The following RANBP2 variants were observed in gnomAD, a reference collection of about 807,000 sequenced individuals.
RANBP2 encodes E3 SUMO-protein ligase RanBP2.
A neutral mutation model predicts 303.6 loss-of-function variants in RANBP2; 57 were observed. That is an observed-to-expected ratio of 0.19 (90% CI 0.15 to 0.23). The LOEUF (loss-of-function observed/expected upper bound fraction) is 0.23, where lower values mean the gene tolerates loss of function less well. Among genes scored for constraint, RANBP2 ranks in the 10% least tolerant of loss-of-function variants. The pLI, the probability that RANBP2 is intolerant of heterozygous loss-of-function variation, is 1.00. For missense variants in RANBP2, 3,138 were observed against 3,780.8 expected (o/e 0.83, Z 4.46); for synonymous variants, 1,167 against 1,301.5 (o/e 0.90, Z 2.23).
chr2:109,129,629 G>A, the RANBP2 span: 2 of 1,492,766 alleles, frequency 1.3e-6, no homozygotes, highest in Non-Finnish European at 1.8e-6. Flanking sequence ...CCAGGCGAGC[G>A]ACGGCGGCGT....
the RANBP2 span, among the ~76,000 whole-genome samples, chr2:108,959,796 T>C: frequency 5.3e-5 from 8 of 152,216 alleles, no homozygotes; most frequent in African/African-American, 1.9e-4. Context: ...GAGAAAGATA[T>C]GTCTTCTGAG....
the RANBP2 span, among the ~76,000 whole-genome samples, chr2:109,047,980 T>C: frequency 2.4e-4 from 36 of 152,298 alleles, no homozygotes; most frequent in African/African-American, 7.7e-4. Context: ...TTGACTCTAG[T>C]GGGTGGGAGT....
the RANBP2 span, among the ~76,000 whole-genome samples, chr2:109,214,202 G>A: frequency 5.3e-5 from 8 of 152,172 alleles, no homozygotes; most frequent in Non-Finnish European, 1.2e-4. Flanking sequence ...GGAAGTGACT[G>A]GAAATAAAGC....
the RANBP2 span, among the ~76,000 whole-genome samples, chr2:109,528,942 T>C: frequency 2.6e-5 from 4 of 152,198 alleles, no homozygotes; most frequent in Non-Finnish European, 5.9e-5. Context: ...TGATGACCGC[T>C]GCAGCCTGTC....
chr2:108,869,154 C>T, the RANBP2 span, among the ~76,000 whole-genome samples: 3 of 151,888 alleles, frequency 2.0e-5, no homozygotes, highest in African/African-American at 7.3e-5. Flanking sequence ...CACAGAAACA[C>T]CAAATAAATA....
chr2:109,557,170 T>TA, the RANBP2 span, among the ~76,000 whole-genome samples: 96 of 151,418 alleles, frequency 6.3e-4, no homozygotes, highest in African/African-American at 2.1e-3. Context: ...TAAAGTATAA[T>TA]AAAAAAAAAT....
the RANBP2 span, among the ~76,000 whole-genome samples, chr2:109,646,016 G>A: frequency 1.3e-5 from 2 of 152,190 alleles, no homozygotes; most frequent in Non-Finnish European, 2.9e-5. Context: ...CAAAGGAAAC[G>A]TGAAGCCTGA....
At chr2:109,400,226 GCACA>G in the RANBP2 span, among the ~76,000 whole-genome samples, 1 of 151,548 alleles carries the variant, frequency 6.6e-6, no homozygotes, top group Non-Finnish European at 1.5e-5. Flanking sequence ...ACACATGCAC[GCACA>G]CACACACATA....
the RANBP2 span, chr2:109,615,232 C>T: frequency 6.5e-7 from 1 of 1,546,282 alleles, no homozygotes; most frequent in Non-Finnish European, 8.7e-7. Flanking sequence ...GCATCGGTGG[C>T]CTCGTCGTCC....
the RANBP2 span, among the ~76,000 whole-genome samples, chr2:109,120,762 G>A: frequency 4.0e-5 from 6 of 151,822 alleles, no homozygotes; most frequent in Non-Finnish European, 7.4e-5. Flanking sequence ...TATACCAAGA[G>A]GTACGGGGAG....
Position 108,765,158 on chromosome 2 carries a change from T to G in RANBP2, c.4619T>G (p.Phe1540Cys), listed in dbSNP as rs778069032. 4.3e-6 allele frequency: 7 copies of G among 1,614,048 alleles called. No individual in the cohort carries two copies. In the Middle Eastern group the frequency reaches 8.2e-4, roughly 189 times the overall value. Residue 1540 changes from phenylalanine (F) to cysteine (C), a missense_variant, in exon 20 of 29, where the codon TTT becomes TGT. Phe to Cys is a radical substitution (Grantham distance 205). This residue lies in a region of RANBP2 where 388 missense variants were observed against 328.5 expected (regional missense o/e 1.18). Transcript: ENST00000283195. ...KTLKSGFEDM[F>C]AKKEGQWDCS... ...CTAAAAAGTGGATTTGAAGACATGT[T>G]TGCTAAGAAGGAAGGACAGTGGGAT...
At chr2:109,584,368 G>A in the RANBP2 span, among the ~76,000 whole-genome samples, 5 of 151,400 alleles carry the variant, frequency 3.3e-5, no homozygotes, top group Admixed American at 1.3e-4. Flanking sequence ...CTAGCTACTC[G>A]GGAGGCTGAG....
At chr2:109,048,616 A>G in the RANBP2 span, among the ~76,000 whole-genome samples, 8 of 150,872 alleles carry the variant, frequency 5.3e-5, no homozygotes, top group South Asian at 8.5e-4. Flanking sequence ...GAGACCATTC[A>G]TATTTCTCTT....
At chr2:109,302,659 C>T in the RANBP2 span, among the ~76,000 whole-genome samples, 2 of 152,190 alleles carry the variant, frequency 1.3e-5, no homozygotes, top group African/African-American at 2.4e-5. Context: ...CTCGGGATGG[C>T]GTGACCTCTG....
the RANBP2 span, among the ~76,000 whole-genome samples, chr2:109,326,012 A>G: frequency 6.6e-6 from 1 of 152,278 alleles, no homozygotes; most frequent in Non-Finnish European, 1.5e-5. Context: ...ACATTAGTAT[A>G]TCTACCATCA....
intron 7 of RANBP2, among the ~76,000 whole-genome samples, chr2:108,745,766 T>A (rs193060837): frequency 0.024 from 3,657 of 152,186 alleles, 141 homozygotes; most frequent in African/African-American, 0.084. Context: ...TCATATCTAC[T>A]CAAATAGGAC....
chr2:109,394,067 G>A, the RANBP2 span, among the ~76,000 whole-genome samples: 2 of 152,036 alleles, frequency 1.3e-5, no homozygotes, highest in African/African-American at 2.4e-5. Context: ...CCCCACCCTC[G>A]GACGCAGCCA....
chr2:108,796,622 A>G, the RANBP2 span, among the ~76,000 whole-genome samples: 1 of 152,236 alleles, frequency 6.6e-6, no homozygotes, highest in Admixed American at 6.5e-5. Flanking sequence ...TCTATACACA[A>G]TGGAATATTA....
the RANBP2 span, among the ~76,000 whole-genome samples, chr2:109,384,327 C>G: frequency 1.1e-4 from 16 of 152,144 alleles, no homozygotes; most frequent in African/African-American, 3.9e-4. Flanking sequence ...GAAAGTAACA[C>G]CAGGAGAGGA....
Sources: gnomAD v4.1 joint callset for allele counts (sites outside exome capture counted in the v4.1 genomes callset) on GRCh38, gnomAD v4.1.1 for gene constraint, gnomAD v4.1.1 regional missense constraint, MANE v1.5 for transcripts, NCBI Gene and HGNC (gene_info 2026-07-23, HGNC 2026-07-21) for gene names.